Variants in ZC3H18 observed in about 807,000 individuals in gnomAD.
ZC3H18 encodes the protein zinc finger CCCH domain-containing protein 18.
ZC3H18 carries 8 observed loss-of-function variants against 106.1 expected under a neutral mutation model. That is an observed-to-expected ratio of 0.08 (90% CI 0.04 to 0.14). The LOEUF is 0.14. Among genes scored for constraint, ZC3H18 ranks in the 10% least tolerant of loss-of-function variants. The pLI is 1.00. For synonymous variants in ZC3H18, 635 were observed against 522.1 expected (o/e 1.22, Z -2.95); for missense variants, 1,318 against 1,278.4 (o/e 1.03, Z -0.47).
intron 8 of ZC3H18, among the ~76,000 whole-genome samples, chr16:88,612,171 A>G (rs1402963444): frequency 6.6e-6 from 1 of 152,144 alleles, no homozygotes; most frequent in Non-Finnish European, 1.5e-5. Context: ...TCTCAAATAT[A>G]CTTGACTGTT....
Position 88,577,656 on chromosome 16 carries a change from A to T in ZC3H18, c.533A>T (p.Glu178Val). ...KAGVQSVGEK[E>V]SLEAAKEKKK... ...GGTGTTCAGAGTGTGGGAGAAAAGG[A>T]ATCCCTGGAGGCTGCCAAGGAGAAA... The change falls in exon 2 of 18, where the codon GAA becomes GTA. Residue 178 changes from glutamate (E) to valine (V), a missense_variant. Physicochemically the swap from Glu to Val is moderately radical, Grantham distance 121. Transcript: ENST00000301011. 1.2e-6 allele frequency: 2 copies of T among 1,613,948 alleles called. No individual in the cohort carries two copies. Among genetic ancestry groups the T allele is most frequent in the South Asian group, 1.1e-5 (1 of 91,082 alleles).
At chr16:88,589,009 G>A (rs1915594701) in intron 3 of ZC3H18, among the ~76,000 whole-genome samples, 1 of 152,140 alleles carries the variant, frequency 6.6e-6, no homozygotes, top group African/African-American at 2.4e-5. Flanking sequence ...CAGAGGAAGT[G>A]GCTGATTCTT....
chr16:88,588,100 C>T (rs781663005), intron 3 of ZC3H18, among the ~76,000 whole-genome samples: 3 of 152,140 alleles, frequency 2.0e-5, no homozygotes, highest in African/African-American at 4.8e-5. Flanking sequence ...ATGTGCGGTA[C>T]GTTTTGGAAA....
intron 1 of ZC3H18, among the ~76,000 whole-genome samples, chr16:88,572,467 A>G (rs1311852392): frequency 1.3e-5 from 2 of 151,834 alleles, no homozygotes. Context: ...TTTGTCATGT[A>G]TTCAACAAAT....
intron 3 of ZC3H18, among the ~76,000 whole-genome samples, chr16:88,589,069 G>A (rs1243196359): frequency 4.6e-5 from 7 of 152,064 alleles, no homozygotes; most frequent in Admixed American, 3.3e-4. Context: ...TGAGAAATTT[G>A]GACTTAAATG....
At position 88,575,191 on chromosome 16, in the gene ZC3H18, A is replaced by G. The variant is rs182120811; in HGVS notation, c.-14-1919A>G. ...GCAAAAAAAAAAAATGTTTAACTGT[A>G]GGTTGATACCAATTCTTGATACTGT... On this transcript the variant is annotated intron_variant, in intron 1 of 17. Coordinates refer to ENST00000301011, the MANE Select transcript of ZC3H18 (RefSeq NM_144604.4). Among the ~76,000 whole-genome samples the G allele has an allele frequency of 1.6e-3, 245 of 152,018 alleles. 8 individuals carry two copies. The highest frequency in any genetic ancestry group is 2.9e-3 in the Non-Finnish European group (196 of 67,890).
chr16:88,629,600 C>G (rs1336929541), intron 16 of ZC3H18, among the ~76,000 whole-genome samples: 3 of 152,234 alleles, frequency 2.0e-5, no homozygotes, highest in Non-Finnish European at 4.4e-5. Context: ...ACCCACATGC[C>G]TCGTGCCTTC....
rs941660497 is a variant in ZC3H18 at position 88,608,823 on chromosome 16, G to A, written c.1089-111G>A. The A allele has an allele frequency of 5.8e-6, 5 of 869,508 alleles. No homozygotes were observed. In the African/African-American group the frequency reaches 6.7e-5, roughly 12 times the overall value. 53.9% of individuals were successfully genotyped at this position (869,508 alleles called of 1,614,324 possible). A position where few individuals can be genotyped will look rare whatever the true frequency, so the allele number is the denominator to read the frequency against. On this transcript the variant is annotated intron_variant, in intron 6 of 17. Transcript: ENST00000301011. ...CTTGAGCCAACCTTGCGCTCCTGGA[G>A]TAAACCCCACTGCGTCACGGTCTGT...
At chr16:88,614,897 C>T (rs374565254) in intron 8 of ZC3H18, among the ~76,000 whole-genome samples, 4 of 152,266 alleles carry the variant, frequency 2.6e-5, no homozygotes, top group African/African-American at 9.6e-5. Flanking sequence ...CACACACCCC[C>T]AGCCGCTCCC....
chr16:88,607,107 A>C (rs1905048758), intron 6 of ZC3H18, among the ~76,000 whole-genome samples: 4 of 152,114 alleles, frequency 2.6e-5, no homozygotes, highest in African/African-American at 9.7e-5. Context: ...TGGGGAAGAG[A>C]GCCTGACCTT....
At chr16:88,600,354 T>A (rs1284554197) in intron 6 of ZC3H18, among the ~76,000 whole-genome samples, 1 of 152,212 alleles carries the variant, frequency 6.6e-6, no homozygotes, top group East Asian at 1.9e-4. Context: ...GCCTCTTCGC[T>A]GTCAGGGCTG....
intron 8 of ZC3H18, among the ~76,000 whole-genome samples, chr16:88,614,830 C>G (rs1415623933): frequency 6.6e-6 from 1 of 152,246 alleles, no homozygotes; most frequent in Non-Finnish European, 1.5e-5. Flanking sequence ...TGCACTCAGC[C>G]TAAGGCTGCC....
chr16:88,628,012 G>A lies in ZC3H18; in HGVS notation c.2362G>A (p.Gly788Arg), dbSNP rs910778538. 1.2e-6 allele frequency: 2 copies of A among 1,614,070 alleles called. No homozygotes were observed. Among genetic ancestry groups the A allele is most frequent in the Admixed American group, 1.7e-5 (1 of 60,008 alleles). ...PPKSAKPPAG[G>R]KSSQQPSTPQ... ...CAAATCTGCAAAACCTCCAGCAGGG[G>A]GGAAGTCCTCCCAGCAGCCCTCGAC... Residue 788 changes from glycine to arginine, a missense_variant, in exon 15 of 18, where the codon GGG becomes AGG. Around this residue, in one of 6 missense-constraint regions of ZC3H18, gnomAD observed 848 missense variants for 821.7 expected, o/e 1.03. Transcript: ENST00000301011.
intron 15 of ZC3H18, 86 bp from the exon 16 acceptor site, chr16:88,628,672 T>C: frequency 6.9e-7 from 1 of 1,451,310 alleles, no homozygotes; most frequent in Non-Finnish European, 9.6e-7. Context: ...AGCAGGTTGC[T>C]GGCAAGGAAC....
intron 9 of ZC3H18, chr16:88,622,849 A>C: frequency 1.3e-5 from 4 of 313,522 alleles, no homozygotes; most frequent in Non-Finnish European, 1.8e-5. Context: ...CTCGGCAGGA[A>C]CAGGAGGTGT....
chr16:88,610,294 A>C (rs1567591648), intron 7 of ZC3H18, among the ~76,000 whole-genome samples: 1 of 152,192 alleles, frequency 6.6e-6, no homozygotes, highest in Non-Finnish European at 1.5e-5. Flanking sequence ...AGGGACAGTC[A>C]TGAGCTTTGA....
intron 6 of ZC3H18, among the ~76,000 whole-genome samples, chr16:88,605,072 A>G (rs1453486391): frequency 1.3e-5 from 2 of 152,272 alleles, no homozygotes; most frequent in Non-Finnish European, 2.9e-5. Context: ...CCCTTTCCTC[A>G]GGTAACAGGT....
intron 6 of ZC3H18, among the ~76,000 whole-genome samples, chr16:88,604,455 G>A (rs1022144317): frequency 1.3e-5 from 2 of 152,184 alleles, no homozygotes; most frequent in Non-Finnish European, 2.9e-5. Flanking sequence ...GGGAGGCTGA[G>A]GCAGGCAGAT....
intron 8 of ZC3H18, among the ~76,000 whole-genome samples, chr16:88,614,346 A>G (rs1905449012): frequency 6.6e-6 from 1 of 152,214 alleles, no homozygotes; most frequent in South Asian, 2.1e-4. Flanking sequence ...GGACAAAAAC[A>G]AGCCCCTTGT....
Sources: gnomAD v4.1 joint callset for allele counts (sites outside exome capture counted in the v4.1 genomes callset) on GRCh38, gnomAD v4.1.1 for gene constraint, gnomAD v4.1.1 regional missense constraint, MANE v1.5 for transcripts, NCBI Gene and HGNC (gene_info 2026-07-23, HGNC 2026-07-21) for gene names.